Variants in C12orf42 observed in about 807,000 individuals in gnomAD.
C12orf42 encodes the protein uncharacterized protein C12orf42.
Under a neutral mutation model 21.6 loss-of-function variants are expected in C12orf42, and 25 were observed. The observed-to-expected ratio is 1.16, with a 90% CI of 0.84 to 1.62. The LOEUF (loss-of-function observed/expected upper bound fraction) is 1.62, where lower values mean the gene tolerates loss of function less well. Among genes scored for constraint, C12orf42 ranks in the 40% most tolerant of loss-of-function variants. The pLI, the probability that C12orf42 is intolerant of heterozygous loss-of-function variation, is 0.00. For synonymous variants in C12orf42, 174 were observed against 175.0 expected, an observed-to-expected ratio of 0.99 and a Z score of 0.05; for missense variants, 483 against 459.3, an observed-to-expected ratio of 1.05 and a Z score of -0.47.
chr12:103,241,891 G>C lies in C12orf42; in HGVS notation c.*1367-3989C>G, dbSNP rs76007053. Among the ~76,000 whole-genome samples, 1,117 of 152,254 alleles carry C rather than the reference G, an allele frequency of 7.3e-3. 11 individuals are homozygous for C. The highest frequency in any genetic ancestry group is 0.022 in the African/African-American group (924 of 41,546). On this transcript the variant is annotated intron_variant and NMD_transcript_variant, in intron 10 of 10. Transcript: ENST00000547347. ...GCCTGTGTTATTAGTCTTTTTCAAA[G>C]AATGATTTTAAAATAAATGTATAGG...
intron 2 of C12orf42, among the ~76,000 whole-genome samples, chr12:103,450,218 T>C (rs973358299): frequency 9.2e-5 from 14 of 152,136 alleles, no homozygotes; most frequent in African/African-American, 3.1e-4. Context: ...CTTAACATGA[T>C]AGATTTGGTT....
intron 3 of C12orf42, among the ~76,000 whole-genome samples, chr12:103,375,387 T>A (rs1297427665): frequency 1.3e-5 from 2 of 152,228 alleles, no homozygotes; most frequent in Admixed American, 1.3e-4. Flanking sequence ...GTCTGTAAAA[T>A]ACTCAACAGT....
chr12:103,548,793 G>T, the C12orf42 span: 1 of 152,162 alleles, frequency 6.6e-6, no homozygotes, highest in African/African-American at 2.4e-5. Flanking sequence ...TTTTGATGGG[G>T]ATGGCTTATG....
intron 4 of C12orf42, among the ~76,000 whole-genome samples, chr12:103,361,490 T>C (rs1237902988): frequency 6.6e-6 from 1 of 151,944 alleles, no homozygotes; most frequent in Admixed American, 6.6e-5. Context: ...CAGCTGAACT[T>C]TGTAGCAATT....
At chr12:103,261,539 T>C (rs1165878200) in intron 10 of C12orf42, among the ~76,000 whole-genome samples, 1 of 151,726 alleles carries the variant, frequency 6.6e-6, no homozygotes, top group South Asian at 2.1e-4. Context: ...GCAGGAACTA[T>C]TTTTCTGTTT....
chr12:103,488,054 T>C (rs1008129263), intron 1 of C12orf42, among the ~76,000 whole-genome samples: 2 of 152,350 alleles, frequency 1.3e-5, no homozygotes, highest in African/African-American at 4.8e-5. Flanking sequence ...ATAGCACTGA[T>C]GGTCTTTACA....
At chr12:103,236,117 T>C (rs2033459724), downstream of C12orf42, among the ~76,000 whole-genome samples, 1 of 152,314 alleles carries the variant, frequency 6.6e-6, no homozygotes, top group Non-Finnish European at 1.5e-5. Context: ...TAAATTTTAT[T>C]TAAATATTCT....
chr12:103,331,485 C>T (rs2041233633), intron 4 of C12orf42, among the ~76,000 whole-genome samples: 1 of 152,168 alleles, frequency 6.6e-6, no homozygotes, highest in African/African-American at 2.4e-5. Flanking sequence ...GTGGCAGAGA[C>T]TGTGCAAGGT....
chr12:103,227,505 G>C, the C12orf42 span, among the ~76,000 whole-genome samples: 4 of 152,114 alleles, frequency 2.6e-5, no homozygotes, highest in African/African-American at 7.2e-5. Flanking sequence ...TAAGGGATTG[G>C]GGGTTCTTGC....
At chr12:103,168,116 A>G in the C12orf42 span, 4 of 455,804 alleles carry the variant, frequency 8.8e-6, no homozygotes, top group Middle Eastern at 3.2e-4. Flanking sequence ...GTCTTTAAAC[A>G]TAAAGTTGAT....
intron 10 of C12orf42, among the ~76,000 whole-genome samples, chr12:103,249,457 G>T (rs994541514): frequency 2.6e-5 from 4 of 152,048 alleles, no homozygotes; most frequent in African/African-American, 9.7e-5. Flanking sequence ...CTCGACATAA[G>T]TGAAGGAAGA....
rs1955527963 is a variant in C12orf42 at position 103,495,965 on chromosome 12, C to T, written c.-85G>A. Reference sequence around the variant, plus strand: ...AGCCTCCTCCGCGGGAGCTGGAGCACTCTGCTGGGTCCTGGGGACGCGGCG... The same window carrying T: ...AGCCTCCTCCGCGGGAGCTGGAGCATTCTGCTGGGTCCTGGGGACGCGGCG... On this transcript the variant is annotated 5_prime_UTR_variant, in exon 1 of 6. In the 5' UTR this introduces an upstream ATG that the reference lacks. Transcript: ENST00000548883. 6.6e-6 allele frequency: 1 copy of T among 152,350 alleles called. No individual in the cohort carries two copies. The highest frequency in any genetic ancestry group is 6.5e-5 in the Admixed American group (1 of 15,292). The allele number at this position is 152,350 out of a possible 1,614,324, so 9.4% of individuals were successfully genotyped here.
chr12:103,360,747 G>T (rs1469836040), intron 4 of C12orf42, among the ~76,000 whole-genome samples: 1 of 152,054 alleles, frequency 6.6e-6, no homozygotes, highest in Non-Finnish European at 1.5e-5. Context: ...ACTATCAAAA[G>T]CAGGATAGGT....
At chr12:103,309,217 A>G (rs969106947) in intron 4 of C12orf42, among the ~76,000 whole-genome samples, 5 of 152,196 alleles carry the variant, frequency 3.3e-5, no homozygotes, top group African/African-American at 1.2e-4. Context: ...CCACTTATAT[A>G]GGAATTTTCT....
At chr12:103,175,895 T>C in the C12orf42 span, among the ~76,000 whole-genome samples, 1 of 152,150 alleles carries the variant, frequency 6.6e-6, no homozygotes, top group Non-Finnish European at 1.5e-5. Flanking sequence ...CCAGGATAAC[T>C]ACAGCTGGCA....
the C12orf42 span, chr12:103,550,677 A>G: frequency 2.0e-5 from 3 of 152,160 alleles, no homozygotes; most frequent in African/African-American, 7.2e-5. Flanking sequence ...TATAGTTGAA[A>G]AATTATCTCA....
At chr12:103,532,355 T>G in the C12orf42 span, among the ~76,000 whole-genome samples, 1 of 152,200 alleles carries the variant, frequency 6.6e-6, no homozygotes, top group Non-Finnish European at 1.5e-5. Flanking sequence ...ACCAAAACTG[T>G]GTATGGTATG....
At chr12:103,458,680 ACT>A (rs1290195178) in intron 2 of C12orf42, among the ~76,000 whole-genome samples, 2 of 152,050 alleles carry the variant, frequency 1.3e-5, no homozygotes, top group Non-Finnish European at 2.9e-5. Context: ...GTCTCCAGTG[ACT>A]CTTGCAACTT....
At chr12:103,150,541 A>G in the C12orf42 span, among the ~76,000 whole-genome samples, 1 of 152,230 alleles carries the variant, frequency 6.6e-6, no homozygotes, top group Non-Finnish European at 1.5e-5. Flanking sequence ...TCTGTGACAT[A>G]GACAATGTTA....
Sources: gnomAD v4.1 joint callset for allele counts (sites outside exome capture counted in the v4.1 genomes callset) on GRCh38, gnomAD v4.1.1 for gene constraint, MANE v1.5 for transcripts, NCBI Gene and HGNC (gene_info 2026-07-23, HGNC 2026-07-21) for gene names.